Variants in COBL observed in about 807,000 individuals in gnomAD.
COBL encodes the protein protein cordon-bleu.
Under a neutral mutation model 98.8 loss-of-function variants are expected in COBL, and 51 were observed. The observed-to-expected ratio is 0.52, with a 90% CI of 0.41 to 0.65. The LOEUF (loss-of-function observed/expected upper bound fraction) is 0.65, where lower values mean the gene tolerates loss of function less well. Among genes scored for constraint, COBL ranks in the 30% least tolerant of loss-of-function variants. The pLI is 0.00. For synonymous variants in COBL, 634 were observed against 651.7 expected, an observed-to-expected ratio of 0.97 and a Z score of 0.41; for missense variants, 1,617 against 1,617.5, an observed-to-expected ratio of 1.00 and a Z score of 0.01.
chr7:51,153,284 A>C (rs1472825911), intron 5 of COBL, among the ~76,000 whole-genome samples: 2 of 152,170 alleles, frequency 1.3e-5, no homozygotes, highest in South Asian at 4.1e-4. Flanking sequence ...AGTACTGTTA[A>C]TTTTGCTTTA....
chr7:51,181,494 GTAAAC>G (rs1788949906), intron 5 of COBL, among the ~76,000 whole-genome samples: 2 of 152,198 alleles, frequency 1.3e-5, no homozygotes, highest in Admixed American at 1.3e-4. Context: ...CGTTATTTCT[GTAAAC>G]TAGTGAGAAT....
intron 7 of COBL, among the ~76,000 whole-genome samples, chr7:51,082,710 C>T (rs1344500061): frequency 3.3e-5 from 5 of 152,206 alleles, no homozygotes; most frequent in African/African-American, 9.7e-5. Flanking sequence ...GTTAGCCCAC[C>T]ATCCAGATCA....
intron 6 of COBL, among the ~76,000 whole-genome samples, chr7:51,116,132 T>C (rs1797251834): frequency 6.6e-6 from 1 of 152,134 alleles, no homozygotes; most frequent in African/African-American, 2.4e-5. Context: ...AACATTCTTA[T>C]CCATTCTGAC....
chr7:51,027,999 T>G lies in COBL; in HGVS notation c.3097A>C (p.Ser1033Arg). ...PPHTSDTQAC[S>R]RELVNGSVRA... ...ACAGAGCCATTGACCAGCTCCCTGC[T>G]GCAGGCCTGAGTGTCAGATGTGTGT... The change falls in exon 10 of 13, where the codon AGC becomes CGC. Residue 1033 changes from serine to arginine, a missense_variant. Physicochemically the swap from Ser to Arg is moderately radical, Grantham distance 110 (BLOSUM62 -1). Transcript: ENST00000265136. 1 of 1,603,246 alleles carries G rather than the reference T, an allele frequency of 6.2e-7. No homozygotes were observed.
intron 7 of COBL, among the ~76,000 whole-genome samples, chr7:51,077,295 A>C (rs762142193): frequency 2.0e-5 from 3 of 152,240 alleles, no homozygotes; most frequent in Non-Finnish European, 4.4e-5. Context: ...GCTGGGAAAC[A>C]TCAAACACAC....
Position 51,250,346 on chromosome 7 carries a change from C to T in COBL, c.42-30402G>A, listed in dbSNP as rs1399058768. On this transcript the variant is annotated intron_variant, in intron 1 of 12. Transcript: ENST00000265136. ...AATTTATTACTGCCAGTTGCCTATGCTATTATAATTATAAAATGTAATTAA... is the reference window on the plus strand; with the variant it reads ...AATTTATTACTGCCAGTTGCCTATGTTATTATAATTATAAAATGTAATTAA... Among the ~76,000 whole-genome samples the T allele has an allele frequency of 3.9e-5, 6 of 152,088 alleles. No homozygotes were observed. The East Asian group carries it at 9.7e-4, about 25-fold the overall frequency.
chr7:51,043,295 A>ATGACC, intron 8 of COBL, 88 bp downstream of exon 8: 1 of 1,305,870 alleles, frequency 7.7e-7, no homozygotes, highest in Non-Finnish European at 1.1e-6. Flanking sequence ...TTGTGATAGC[A>ATGACC]CGTGTTGGAT....
At chr7:51,254,208 C>T (rs927141884) in intron 1 of COBL, among the ~76,000 whole-genome samples, 1 of 152,122 alleles carries the variant, frequency 6.6e-6, no homozygotes, top group African/African-American at 2.4e-5. Context: ...TCCATGTCAG[C>T]TCATAATGAT....
At position 51,063,884 on chromosome 7, in the gene COBL, G is replaced by A. The variant is rs1791636091; in HGVS notation, c.1097-20192C>T. 1.3e-5 allele frequency among the ~76,000 whole-genome samples: 2 copies of A among 152,172 alleles called. 1 individual carries two copies. Among genetic ancestry groups the A allele is most frequent in the South Asian group, 4.1e-4 (2 of 4,834 alleles). ...GTATTTGTATGTGTAATTCTCAAAA[G>A]CACTTTTTCTTTCAATATGAAGAAA... is the stretch of plus-strand genomic sequence containing the variant. On this transcript the variant is annotated intron_variant, in intron 7 of 12. Coordinates refer to ENST00000265136, the MANE Select transcript of COBL (RefSeq NM_015198.5).
In COBL at chr7:51,028,219, C is replaced by T; in HGVS notation, c.2877G>A (p.Arg959=). 6 of 1,614,192 alleles carry T rather than the reference C, an allele frequency of 3.7e-6. No homozygotes were observed. Among genetic ancestry groups the T allele is most frequent in the Non-Finnish European group, 4.2e-6 (5 of 1,179,996 alleles). ...CAGGTCTGTCCTGAGTAGACAACTT[C>T]CTGTGTGGGCCAATGACCTCCCCCC... ...PPRGEVIGPH[R]KLSTQDRPAA... The change falls in exon 10 of 13, where the codon AGG becomes AGA. Residue 959 remains arginine (R), a synonymous_variant. Transcript: ENST00000265136.
chr7:51,118,159 C>T (rs1052435816), intron 6 of COBL, among the ~76,000 whole-genome samples: 1 of 152,192 alleles, frequency 6.6e-6, no homozygotes, highest in Non-Finnish European at 1.5e-5. Flanking sequence ...AGTTACTTTC[C>T]TGAGTTTACA....
intron 6 of COBL, among the ~76,000 whole-genome samples, chr7:51,093,723 A>C (rs1030245973): frequency 6.6e-6 from 1 of 152,064 alleles, no homozygotes; most frequent in African/African-American, 2.4e-5. Context: ...AGACCCTGTC[A>C]CTACAAAAAA....
intron 5 of COBL, among the ~76,000 whole-genome samples, chr7:51,152,804 G>A (rs1024535135): frequency 6.6e-6 from 1 of 152,218 alleles, no homozygotes. Context: ...TCAGGGCCCT[G>A]TTGGGGCAGA....
In COBL at chr7:51,061,487, G is replaced by T. The variant is rs118163799; in HGVS notation, c.1097-17795C>A. On this transcript the variant is annotated intron_variant, in intron 7 of 12. Transcript: ENST00000265136. ...GCAGTGTCATGCCAGTTGGAATTGT[G>T]ACCTTGTTTTGTCTTTCTCTGGAGA... is the stretch of plus-strand genomic sequence containing the variant. Among the ~76,000 whole-genome samples, 1,470 of 152,214 alleles carry T rather than the reference G, an allele frequency of 9.7e-3. 14 individuals are homozygous for T. Among genetic ancestry groups the T allele is most frequent in the Non-Finnish European group, 0.014 (962 of 68,016 alleles).
intron 6 of COBL, among the ~76,000 whole-genome samples, chr7:51,105,243 A>T (rs957943155): frequency 6.6e-6 from 1 of 152,248 alleles, no homozygotes; most frequent in Admixed American, 6.5e-5. Flanking sequence ...CTCCGAGCCC[A>T]TTCTTTGGGT....
At chr7:51,030,737 T>C in intron 9 of COBL, 75 bp downstream of exon 9, 3 of 917,470 alleles carry the variant, frequency 3.3e-6, no homozygotes, top group Non-Finnish European at 5.3e-6. Flanking sequence ...CATCAAAGTA[T>C]GCTCAGAGGA....
At chr7:51,059,107 G>A (rs927870920) in intron 7 of COBL, among the ~76,000 whole-genome samples, 5 of 152,176 alleles carry the variant, frequency 3.3e-5, no homozygotes, top group African/African-American at 9.7e-5. Context: ...GTGCTGCCAC[G>A]GTAGGCTGCG....
chr7:51,070,627 A>C (rs1792444703), intron 7 of COBL, among the ~76,000 whole-genome samples: 1 of 152,222 alleles, frequency 6.6e-6, no homozygotes, highest in South Asian at 2.1e-4. Flanking sequence ...GTTAGTCTGC[A>C]CGTGGAAACG....
chr7:51,225,881 G>C (rs1351981679), intron 1 of COBL, among the ~76,000 whole-genome samples: 1 of 152,184 alleles, frequency 6.6e-6, no homozygotes, highest in East Asian at 1.9e-4. Flanking sequence ...GTGAGGCCCA[G>C]GTAGCTGAAT....
Sources: gnomAD v4.1 joint callset for allele counts (sites outside exome capture counted in the v4.1 genomes callset) on GRCh38, gnomAD v4.1.1 for gene constraint, MANE v1.5 for transcripts, NCBI Gene and HGNC (gene_info 2026-07-23, HGNC 2026-07-21) for gene names.